Variants in AUTS2 observed in about 807,000 individuals in gnomAD.
AUTS2 encodes the protein activator of transcription and developmental regulator AUTS2.
In AUTS2, 17 loss-of-function variants were observed where a neutral mutation model predicts 112.4. The observed-to-expected ratio is 0.15, with a 90% CI of 0.10 to 0.23. The LOEUF (loss-of-function observed/expected upper bound fraction) is 0.23. Ranked by LOEUF, AUTS2 falls within the 10% of genes least tolerant of loss-of-function variation. AUTS2 has a pLI of 1.00. For synonymous variants in AUTS2, 751 were observed against 702.7 expected (o/e 1.07, Z -1.09); for missense variants, 1,510 against 1,701.6 (o/e 0.89, Z 1.98).
At chr7:70,657,134 T>C (rs937933591) in intron 5 of AUTS2, among the ~76,000 whole-genome samples, 1 of 152,194 alleles carries the variant, frequency 6.6e-6, no homozygotes, top group Non-Finnish European at 1.5e-5. Flanking sequence ...TTTTCTAATG[T>C]AGGACAAAGC....
intron 1 of AUTS2, among the ~76,000 whole-genome samples, chr7:69,705,769 A>C (rs1202420745): frequency 6.6e-6 from 1 of 152,162 alleles, no homozygotes; most frequent in East Asian, 1.9e-4. Context: ...TCAGCTCTGG[A>C]GGCTAGAAGG....
At chr7:70,767,360 A>C (rs1340075144) in intron 9 of AUTS2, among the ~76,000 whole-genome samples, 1 of 152,192 alleles carries the variant, frequency 6.6e-6, no homozygotes, top group Non-Finnish European at 1.5e-5. Flanking sequence ...ATATGTTCTT[A>C]ATAGCAAATC....
intron 10 of AUTS2, 136 bp from the exon 11 acceptor site, chr7:70,771,413 T>C: frequency 1.6e-6 from 1 of 614,990 alleles, no homozygotes; most frequent in Non-Finnish European, 2.8e-6. Context: ...CATTCCATCA[T>C]GGCTTCTTGA....
intron 6 of AUTS2, among the ~76,000 whole-genome samples, chr7:70,715,563 T>C (rs1411458157): frequency 6.6e-6 from 1 of 150,860 alleles, no homozygotes; most frequent in Non-Finnish European, 1.5e-5. Context: ...AGATGGTGTC[T>C]CACTCTGTCA....
intron 5 of AUTS2, among the ~76,000 whole-genome samples, chr7:70,486,391 G>A (rs994360854): frequency 6.6e-6 from 1 of 152,206 alleles, no homozygotes; most frequent in Admixed American, 6.5e-5. Context: ...AGTAGTATAT[G>A]TCAAGTGCTT....
chr7:70,637,888 C>G (rs1329357675), intron 5 of AUTS2, among the ~76,000 whole-genome samples: 1 of 152,134 alleles, frequency 6.6e-6, no homozygotes, highest in East Asian at 1.9e-4. Context: ...TGAGTGCTTC[C>G]AAGTGCAATT....
At chr7:70,322,594 T>A (rs952141450) in intron 4 of AUTS2, among the ~76,000 whole-genome samples, 2 of 152,198 alleles carry the variant, frequency 1.3e-5, no homozygotes. Flanking sequence ...TTGTTTCAAT[T>A]TTATGGCCTC....
intron 2 of AUTS2, among the ~76,000 whole-genome samples, chr7:69,930,538 G>T (rs1796189215): frequency 6.9e-6 from 1 of 145,086 alleles, no homozygotes; most frequent in African/African-American, 2.5e-5. Flanking sequence ...CTTCATGTCT[G>T]GTATCTTGAA....
intron 2 of AUTS2, among the ~76,000 whole-genome samples, chr7:69,983,691 C>A (rs1798390206): frequency 6.6e-6 from 1 of 152,092 alleles, no homozygotes; most frequent in Admixed American, 6.6e-5. Context: ...AGTTGATTAG[C>A]TTTATTAATG....
intron 1 of AUTS2, among the ~76,000 whole-genome samples, chr7:69,602,070 GTGTGTGTGTGTGTGTGTGTGTGTA>G (rs1322525281): frequency 4.0e-4 from 52 of 129,208 alleles, no homozygotes; most frequent in African/African-American, 1.4e-3. Context: ...GTGTGTGTGT[GTGTGTGTGTGTGTGTGTGTGTGTA>G]TATCTCACTT....
intron 4 of AUTS2, among the ~76,000 whole-genome samples, chr7:70,174,159 T>C (rs1272605996): frequency 6.6e-6 from 1 of 151,954 alleles, no homozygotes; most frequent in Admixed American, 6.6e-5. Flanking sequence ...AACACATGAG[T>C]GATAAGAAAG....
Position 69,925,537 on chromosome 7 carries a change from A to C in AUTS2, c.522+26039A>C, listed in dbSNP as rs960488257. On this transcript the variant is annotated intron_variant, in intron 2 of 18. Transcript: ENST00000342771. ...TTAGGGGTTTTCCAGGGATCTTTCT[A>C]GTATTGGTTTATTACATTAAATCAG... Among the ~76,000 whole-genome samples, 7 of 152,240 alleles carry C rather than the reference A, an allele frequency of 4.6e-5. No individual in the cohort carries two copies. The East Asian group carries it at 1.4e-3, about 29-fold the overall frequency.
At chr7:70,287,699 G>A (rs944941105) in intron 4 of AUTS2, among the ~76,000 whole-genome samples, 5 of 151,820 alleles carry the variant, frequency 3.3e-5, no homozygotes, top group African/African-American at 1.2e-4. Flanking sequence ...CATTTATTAT[G>A]TATATTTTTG....
intron 4 of AUTS2, among the ~76,000 whole-genome samples, chr7:70,181,031 A>G (rs936493560): frequency 2.0e-5 from 3 of 152,192 alleles, no homozygotes; most frequent in African/African-American, 7.2e-5. Context: ...CAACAAATAT[A>G]TAGTATGCTT....
chr7:70,604,540 C>T (rs1803632106), intron 5 of AUTS2, among the ~76,000 whole-genome samples: 1 of 152,234 alleles, frequency 6.6e-6, no homozygotes, highest in African/African-American at 2.4e-5. Flanking sequence ...AAATATTCAC[C>T]TTACAGGACA....
intron 2 of AUTS2, among the ~76,000 whole-genome samples, chr7:70,043,463 A>G (rs1801334138): frequency 6.6e-6 from 1 of 151,654 alleles, no homozygotes; most frequent in African/African-American, 2.4e-5. Flanking sequence ...AAGCTCCTTC[A>G]TTTTCTGAAT....
chr7:69,982,713 G>C (rs1316567546), intron 2 of AUTS2, among the ~76,000 whole-genome samples: 1 of 152,194 alleles, frequency 6.6e-6, no homozygotes, highest in African/African-American at 2.4e-5. Context: ...CAGCGGCCTG[G>C]CCATTTGCTT....
chr7:69,900,046 G>A lies in AUTS2; in HGVS notation c.522+548G>A, dbSNP rs75976563. On this transcript the variant is annotated intron_variant, in intron 2 of 18. Coordinates refer to ENST00000342771, the MANE Select transcript of AUTS2 (RefSeq NM_015570.4). ...TAGGCTATAATTCAAGACTATCTTTGTGATCTGTTGATTGTATGAACGTCT... is the reference window on the plus strand; with the variant it reads ...TAGGCTATAATTCAAGACTATCTTTATGATCTGTTGATTGTATGAACGTCT... Among the ~76,000 whole-genome samples the A allele has an allele frequency of 2.9e-3, 445 of 152,290 alleles. 5 individuals are homozygous for A. Among genetic ancestry groups the A allele is most frequent in the African/African-American group, 0.01 (431 of 41,548 alleles).
chr7:69,777,745 G>A lies in AUTS2; in HGVS notation c.310-121541G>A, dbSNP rs78866239. Among the ~76,000 whole-genome samples, 638 of 152,216 alleles carry A rather than the reference G, an allele frequency of 4.2e-3. 7 individuals are homozygous for A. Among genetic ancestry groups the A allele is most frequent in the East Asian group, 0.012 (64 of 5,188 alleles). ...GCTTCCGAGAAAACTTTGGGCTTCA[G>A]AGTCCCTGCTTCCAAGCCCCTCTTT... On this transcript the variant is annotated intron_variant, in intron 1 of 18. Transcript: ENST00000342771.
Sources: allele counts gnomAD v4.1 joint callset (sites outside exome capture counted in the v4.1 genomes callset), GRCh38; gene constraint gnomAD v4.1.1; transcripts MANE v1.5; gene names NCBI Gene and HGNC (gene_info 2026-07-23, HGNC 2026-07-21).